The following GML variants were observed in gnomAD, a reference collection of about 807,000 sequenced individuals.
GML encodes the protein glycosyl-phosphatidylinositol-anchored molecule-like protein.
A neutral mutation model predicts 8.2 loss-of-function variants in GML; 5 were observed. The ratio of observed to expected loss-of-function variants is 0.61; its 90% CI spans 0.32 to 1.28. The LOEUF is 1.28. Ranked by LOEUF, GML falls within the 50% of genes most tolerant of loss-of-function variation. The pLI is 0.06. For missense variants in GML, 191 were observed against 198.3 expected (o/e 0.96, Z 0.22); for synonymous variants, 72 against 69.0 (o/e 1.04, Z -0.22).
intron 3 of GML, among the ~76,000 whole-genome samples, chr8:142,845,585 A>G (rs1008144226): frequency 2.0e-5 from 3 of 152,240 alleles, no homozygotes; most frequent in African/African-American, 7.2e-5. Context: ...TTGTGTAAAC[A>G]CTGGATAGAC....
At chr8:142,843,536 T>C (rs1032444626) in intron 3 of GML, among the ~76,000 whole-genome samples, 3 of 152,154 alleles carry the variant, frequency 2.0e-5, no homozygotes, top group South Asian at 4.1e-4. Context: ...CAAGAGGAAG[T>C]ATTAAGTCTC....
At chr8:142,841,597 A>C (rs1391513715) in intron 3 of GML, among the ~76,000 whole-genome samples, 1 of 152,178 alleles carries the variant, frequency 6.6e-6, no homozygotes, top group Non-Finnish European at 1.5e-5. Context: ...GAGTGCTTCC[A>C]GCTCGGCAGG....
chr8:142,843,574 C>G (rs1028189788), intron 3 of GML, among the ~76,000 whole-genome samples: 5 of 152,158 alleles, frequency 3.3e-5, no homozygotes, highest in Admixed American at 3.3e-4. Flanking sequence ...AGAATTTAAA[C>G]TGCTTACTAT....
chr8:142,835,349 G>A (rs1313285189), intron 1 of GML, among the ~76,000 whole-genome samples: 35 of 152,214 alleles, frequency 2.3e-4, no homozygotes, highest in African/African-American at 6.5e-4. Context: ...CAGTTCTTGA[G>A]TCCCCTTCCC....
chr8:142,840,763 G>A (rs1187925272), intron 2 of GML, among the ~76,000 whole-genome samples: 2 of 152,184 alleles, frequency 1.3e-5, no homozygotes, highest in African/African-American at 4.8e-5. Context: ...GCGCCAGGCA[G>A]GAGGGGCTCT....
At chr8:142,845,571 GTATT>G (rs1374877686) in intron 3 of GML, among the ~76,000 whole-genome samples, 1 of 152,198 alleles carries the variant, frequency 6.6e-6, no homozygotes, top group Non-Finnish European at 1.5e-5. Context: ...CCAGAATAAA[GTATT>G]TGTGTAAACA....
chr8:142,842,805 A>G (rs1481856343), intron 3 of GML, among the ~76,000 whole-genome samples: 3 of 152,194 alleles, frequency 2.0e-5, no homozygotes, highest in African/African-American at 4.8e-5. Context: ...ACTTGAGAGG[A>G]TAACGGTGCA....
intron 3 of GML, 110 bp from the exon 4 acceptor site, chr8:142,846,282 GTGT>G (rs1286419207): frequency 4.5e-6 from 3 of 673,336 alleles, no homozygotes; most frequent in Non-Finnish European, 7.8e-6. Flanking sequence ...ACAGCTGGGA[GTGT>G]AGAATGTGTA....
chr8:142,834,889 C>A (rs1217720355), intron 1 of GML, 21 bp downstream of exon 1: 1 of 152,286 alleles, frequency 6.6e-6, no homozygotes, highest in East Asian at 1.9e-4. Context: ...TGAGGCGGGT[C>A]GGGACCCAGG....
intron 1 of GML, among the ~76,000 whole-genome samples, chr8:142,837,852 G>A (rs558707240): frequency 6.8e-6 from 1 of 147,350 alleles, no homozygotes; most frequent in Non-Finnish European, 1.5e-5. Context: ...ACTCCCCAGG[G>A]TCCCTCCCAC....
intron 3 of GML, among the ~76,000 whole-genome samples, chr8:142,845,703 A>G (rs1279276906): frequency 6.6e-6 from 1 of 152,216 alleles, no homozygotes; most frequent in East Asian, 1.9e-4. Context: ...AGCTGAGGCC[A>G]CTGGACAAGC....
At chr8:142,838,502 GTT>G (rs1416463112) in intron 1 of GML, among the ~76,000 whole-genome samples, 2 of 152,090 alleles carry the variant, frequency 1.3e-5, no homozygotes, top group Non-Finnish European at 2.9e-5. Context: ...CTTGCAAGTG[GTT>G]TTTGTGTCTG....
intron 1 of GML, among the ~76,000 whole-genome samples, chr8:142,839,899 C>G (rs978452403): frequency 6.6e-6 from 1 of 152,154 alleles, no homozygotes; most frequent in Non-Finnish European, 1.5e-5. Context: ...GGAGTTCTCT[C>G]GTAATGACAC....
chr8:142,839,741 G>A (rs148285708), intron 1 of GML, among the ~76,000 whole-genome samples: 1 of 152,278 alleles, frequency 6.6e-6, no homozygotes, highest in East Asian at 1.9e-4. Flanking sequence ...CTCAGTTGTG[G>A]CAACTGATTG....
rs55778635 is a variant in GML at position 142,843,255 on chromosome 8, T to TACACACACACACACACACAC, written c.181+2055_181+2074dup. Among the ~76,000 whole-genome samples, 763 of 140,060 alleles carry TACACACACACACACACACAC rather than the reference T, an allele frequency of 5.4e-3. 8 individuals are homozygous for TACACACACACACACACACAC. Among genetic ancestry groups the TACACACACACACACACACAC allele is most frequent in the East Asian group, 0.017 (72 of 4,232 alleles). 91.9% of individuals were successfully genotyped at this position (140,060 alleles called of 152,430 possible). A position where few individuals can be genotyped will look rare whatever the true frequency, so the allele number is the denominator to read the frequency against. Reference sequence around the variant, plus strand: ...AACTATTTTTAAAATAAAAGGTTCATACACACACACACACACACACACACA... The same window carrying TACACACACACACACACACAC: ...AACTATTTTTAAAATAAAAGGTTCATACACACACACACACACACACACACACACACACACACACACACACA... On this transcript the variant is annotated intron_variant, in intron 3 of 3. Coordinates refer to ENST00000220940, the MANE Select transcript of GML (RefSeq NM_002066.3).
intron 3 of GML, among the ~76,000 whole-genome samples, chr8:142,843,001 C>A (rs1230411177): frequency 7.2e-5 from 11 of 152,142 alleles, no homozygotes; most frequent in African/African-American, 2.4e-4. Context: ...GTTTTAGAGG[C>A]TCCATTTTCC....
intron 3 of GML, among the ~76,000 whole-genome samples, chr8:142,844,946 G>C (rs1396117393): frequency 6.6e-6 from 1 of 152,182 alleles, no homozygotes; most frequent in Non-Finnish European, 1.5e-5. Context: ...TTATAAAAAA[G>C]CTTATACAGG....
intron 3 of GML, among the ~76,000 whole-genome samples, chr8:142,845,287 C>G (rs1488791418): frequency 2.0e-5 from 3 of 152,228 alleles, no homozygotes; most frequent in African/African-American, 7.2e-5. Flanking sequence ...ACAGCAGTGT[C>G]TGCATGGAGG....
intron 3 of GML, among the ~76,000 whole-genome samples, chr8:142,844,644 A>T (rs1453678187): frequency 6.6e-6 from 1 of 152,250 alleles, no homozygotes; most frequent in African/African-American, 2.4e-5. Flanking sequence ...AAAAGGTTTA[A>T]AGGGAATTTG....
Sources: gnomAD v4.1 joint callset for allele counts (sites outside exome capture counted in the v4.1 genomes callset) on GRCh38, gnomAD v4.1.1 for gene constraint, MANE v1.5 for transcripts, NCBI Gene and HGNC (gene_info 2026-07-23, HGNC 2026-07-21) for gene names.